Variants in FANCA observed in about 807,000 individuals in gnomAD.
FANCA encodes Fanconi anemia group A protein.
FANCA carries 236 observed loss-of-function variants against 194.3 expected under a neutral mutation model. The observed-to-expected ratio is 1.21, with a 90% CI of 1.09 to 1.35. The LOEUF is 1.35. FANCA is among the 40% of genes most tolerant of loss of function. FANCA has a pLI of 0.00. For missense variants in FANCA, 2,628 were observed against 1,813.9 expected, an observed-to-expected ratio of 1.45 and a Z score of -8.15; for synonymous variants, 1,014 against 715.8, an observed-to-expected ratio of 1.42 and a Z score of -6.65.
At chr16:89,770,366 C>A (rs893936499) in intron 24 of FANCA, 107 bp from the exon 25 acceptor site, 5 of 1,154,326 alleles carry the variant, frequency 4.3e-6, no homozygotes, top group Non-Finnish European at 6.3e-6. Context: ...AGCTGTTCCC[C>A]AAAACAGTGG....
At chr16:89,753,935 A>T (rs2038683603) in intron 30 of FANCA, among the ~76,000 whole-genome samples, 1 of 152,204 alleles carries the variant, frequency 6.6e-6, no homozygotes. Context: ...GACGCCAGTA[A>T]TCCCACCTAT....
At chr16:89,796,280 G>A (rs926891139) in intron 10 of FANCA, among the ~76,000 whole-genome samples, 23 of 152,142 alleles carry the variant, frequency 1.5e-4, no homozygotes, top group Admixed American at 1.5e-3. Context: ...GGCAGGCCGC[G>A]CCACACCCGG....
intron 1 of FANCA, 57 bp from the exon 2 acceptor site, chr16:89,816,043 G>C (rs1276563405): frequency 7.5e-7 from 1 of 1,341,512 alleles, no homozygotes; most frequent in Non-Finnish European, 1.1e-6. Context: ...CGGGGTCCCC[G>C]GCCCGACGCG....
At chr16:89,753,524 G>A (rs11649642) in intron 30 of FANCA, among the ~76,000 whole-genome samples, 35,118 of 152,038 alleles carry the variant, frequency 0.23, 4,337 homozygotes, top group Middle Eastern at 0.32. Context: ...AGCAAAAACC[G>A]TAAGATTATC....
rs562254780 is a variant in FANCA at position 89,803,228 on chromosome 16, G to A, written c.792+31C>T. ...ACTTGGAATAAGGACGGCTCCTTCCGCTAAACTCTTCACTTGACTTTTCCT... is the reference window on the plus strand; with the variant it reads ...ACTTGGAATAAGGACGGCTCCTTCCACTAAACTCTTCACTTGACTTTTCCT... On this transcript the variant is annotated intron_variant, in intron 8 of 42. Coordinates refer to ENST00000389301, the MANE Select transcript of FANCA (RefSeq NM_000135.4). 576 of 1,599,262 alleles carry A rather than the reference G, an allele frequency of 3.6e-4. 9 individuals are homozygous for A. In the South Asian group the frequency reaches 6.0e-3, roughly 17 times the overall value.
At chr16:89,816,044 G>T (rs777232083) in intron 1 of FANCA, 58 bp from the exon 2 acceptor site, 8 of 1,336,138 alleles carry the variant, frequency 6.0e-6, no homozygotes, top group Middle Eastern at 1.8e-4. Context: ...GGGGTCCCCG[G>T]CCCGACGCGC....
At chr16:89,780,699 CG>C (rs2039671122) in intron 17 of FANCA, among the ~76,000 whole-genome samples, 1 of 151,146 alleles carries the variant, frequency 6.6e-6, no homozygotes, top group African/African-American at 2.4e-5. Context: ...GGGGCCAAGG[CG>C]GAAGGATCAC....
At chr16:89,789,931 T>A (rs2040012812) in intron 14 of FANCA, among the ~76,000 whole-genome samples, 1 of 152,114 alleles carries the variant, frequency 6.6e-6, no homozygotes, top group Admixed American at 6.6e-5. Context: ...TAGTCTCAAA[T>A]GGGCCCTGGA....
chr16:89,739,598 CTAT>C (rs757527847), intron 39 of FANCA, 45 bp from the exon 40 acceptor site: 1 of 1,543,376 alleles, frequency 6.5e-7, no homozygotes, highest in Non-Finnish European at 8.8e-7. Flanking sequence ...ACATCTCTGC[CTAT>C]TATCAGTGCT....
chr16:89,744,043 G>A (rs763349251), intron 36 of FANCA, among the ~76,000 whole-genome samples: 5 of 151,864 alleles, frequency 3.3e-5, no homozygotes, highest in African/African-American at 4.8e-5. Flanking sequence ...GACTACAGGC[G>A]CACACTATCA....
At chr16:89,744,437 G>T (rs1259105843) in intron 36 of FANCA, among the ~76,000 whole-genome samples, 2 of 152,096 alleles carry the variant, frequency 1.3e-5, no homozygotes, top group African/African-American at 4.8e-5. Flanking sequence ...TTGATGGTTT[G>T]CAAGGACCCG....
chr16:89,808,425 G>A, intron 5 of FANCA, 58 bp from the exon 6 acceptor site: 2 of 1,535,452 alleles, frequency 1.3e-6, no homozygotes, highest in South Asian at 1.1e-5. Flanking sequence ...AGCATTCTGA[G>A]TCCTTTATGA....
intron 10 of FANCA, among the ~76,000 whole-genome samples, chr16:89,797,508 C>T (rs1462485383): frequency 6.6e-6 from 1 of 152,152 alleles, no homozygotes; most frequent in African/African-American, 2.4e-5. Flanking sequence ...CCTCACAGGG[C>T]AGGGCTTTGG....
intron 14 of FANCA, 30 bp from the exon 15 acceptor site, chr16:89,784,994 G>A (rs2039849257): frequency 1.3e-6 from 2 of 1,549,542 alleles, no homozygotes; most frequent in African/African-American, 1.4e-5. Context: ...TGAAGCCCAG[G>A]ACAGCCAGGC....
chr16:89,767,491 C>T (rs2039170481), intron 26 of FANCA, among the ~76,000 whole-genome samples: 1 of 152,120 alleles, frequency 6.6e-6, no homozygotes, highest in African/African-American at 2.4e-5. Context: ...CCTCAGCCTC[C>T]CAGGTAGCTG....
intron 11 of FANCA, 200 bp from the exon 12 acceptor site, chr16:89,792,747 C>T (rs1261717382): frequency 5.7e-6 from 3 of 527,132 alleles, no homozygotes; most frequent in East Asian, 3.6e-5. Flanking sequence ...GCGCGGAGAC[C>T]GGTAGTGGCC....
intron 32 of FANCA, among the ~76,000 whole-genome samples, chr16:89,749,419 G>A (rs879414626): frequency 8.5e-5 from 13 of 152,172 alleles, no homozygotes; most frequent in African/African-American, 3.1e-4. Context: ...TAGACATGGC[G>A]TTTCGCCATG....
chr16:89,808,428 CTT>C (rs2040748745), intron 5 of FANCA, 61 bp from the exon 6 acceptor site: 1 of 1,507,776 alleles, frequency 6.6e-7, no homozygotes. Context: ...ATTCTGAGTC[CTT>C]TATGAATGCA....
intron 28 of FANCA, 104 bp from the exon 29 acceptor site, chr16:89,762,126 T>C (rs2038973102): frequency 9.3e-6 from 8 of 863,784 alleles, no homozygotes; most frequent in East Asian, 2.4e-5. Flanking sequence ...CAGTCCTCCA[T>C]GTCCCTGTGT....
Sources: allele counts gnomAD v4.1 joint callset (sites outside exome capture counted in the v4.1 genomes callset), GRCh38; gene constraint gnomAD v4.1.1; transcripts MANE v1.5; gene names NCBI Gene and HGNC (gene_info 2026-07-23, HGNC 2026-07-21).